The following UGT1A9 variants were observed in gnomAD, a reference collection of about 807,000 sequenced individuals.
The protein encoded by UGT1A9 is UDP-glucuronosyltransferase 1A9.
Under a neutral mutation model 45.0 loss-of-function variants are expected in UGT1A9, and 35 were observed. The ratio of observed to expected loss-of-function variants is 0.78; its 90% CI spans 0.59 to 1.03. The LOEUF is 1.03. Among genes scored for constraint, UGT1A9 ranks in the 50% least tolerant of loss-of-function variants. UGT1A9 has a pLI of 0.00. For missense variants in UGT1A9, 687 were observed against 666.6 expected (o/e 1.03, Z -0.34); for synonymous variants, 278 against 250.6 (o/e 1.11, Z -1.03).
intron 1 of UGT1A9, among the ~76,000 whole-genome samples, chr2:233,733,033 T>G (rs202002745): frequency 2.0e-5 from 3 of 152,098 alleles, no homozygotes; most frequent in Non-Finnish European, 4.4e-5. Context: ...CACATCCCTT[T>G]TAAGTTGGAT....
chr2:233,740,736 C>T (rs1691460143), intron 1 of UGT1A9: 1 of 151,674 alleles, frequency 6.6e-6, no homozygotes, highest in African/African-American at 2.4e-5. Context: ...GGAAATGCCC[C>T]CTTTTACACT....
intron 1 of UGT1A9, among the ~76,000 whole-genome samples, chr2:233,746,609 G>T (rs1693438310): frequency 6.6e-6 from 1 of 151,680 alleles, no homozygotes; most frequent in Admixed American, 6.5e-5. Flanking sequence ...CTGTTCACCT[G>T]ACCCCTCCTT....
intron 1 of UGT1A9, among the ~76,000 whole-genome samples, chr2:233,738,688 T>G (rs1408862943): frequency 6.6e-6 from 1 of 152,138 alleles, no homozygotes; most frequent in Non-Finnish European, 1.5e-5. Flanking sequence ...AATTGGAACT[T>G]ATGTTTAAAA....
chr2:233,713,567 C>A (rs1231652913), intron 1 of UGT1A9: 9 of 1,613,854 alleles, frequency 5.6e-6, no homozygotes, highest in Non-Finnish European at 7.6e-6. Flanking sequence ...ACCCTTCCTC[C>A]TATATTCCTA....
rs774552419 is a variant in UGT1A9 at position 233,767,911 on chromosome 2, G to A, written c.1050G>A (p.Lys350=). ...SNLANNTILV[K]WLPQNDLLGH... is the part of the protein sequence containing the mutation. Reference sequence around the variant, plus strand: ...TTGCGAACAACACGATACTTGTTAAGTGGCTACCCCAAAACGATCTGCTTG... The same window carrying A: ...TTGCGAACAACACGATACTTGTTAAATGGCTACCCCAAAACGATCTGCTTG... The change falls in exon 3 of 5, where the codon AAG becomes AAA. Residue 350 remains lysine (K), a synonymous_variant. Coordinates refer to ENST00000354728, the MANE Select transcript of UGT1A9 (RefSeq NM_021027.3). 13 of 1,614,068 alleles carry A rather than the reference G, an allele frequency of 8.1e-6. No homozygotes were observed. The highest frequency in any genetic ancestry group is 1.3e-5 in the African/African-American group (1 of 74,916).
chr2:233,679,713 CA>C (rs1158480867), intron 1 of UGT1A9, among the ~76,000 whole-genome samples: 1 of 152,142 alleles, frequency 6.6e-6, no homozygotes, highest in African/African-American at 2.4e-5. Flanking sequence ...GTTATCTGGA[CA>C]ATTTTAAAGC....
intron 1 of UGT1A9, among the ~76,000 whole-genome samples, chr2:233,731,284 C>CTTTTTTTTTTTTT (rs78127606): frequency 7.2e-6 from 1 of 139,766 alleles, no homozygotes. Context: ...GTTTTTCTTT[C>CTTTTTTTTTTTTT]TTTTTTTTTT....
chr2:233,722,017 A>G (rs2125685673), intron 1 of UGT1A9: 1 of 254,974 alleles, frequency 3.9e-6, no homozygotes, highest in Non-Finnish European at 7.8e-6. Context: ...AGGAAAACTG[A>G]AACCTCTTGA....
intron 1 of UGT1A9, among the ~76,000 whole-genome samples, chr2:233,715,186 A>G (rs959618310): frequency 6.6e-6 from 1 of 152,160 alleles, no homozygotes; most frequent in Non-Finnish European, 1.5e-5. Context: ...ACACCTAGGC[A>G]ATTTTTCTAT....
intron 1 of UGT1A9, among the ~76,000 whole-genome samples, chr2:233,685,603 T>G (rs2074745747): frequency 1.3e-5 from 2 of 152,212 alleles, no homozygotes; most frequent in South Asian, 4.1e-4. Flanking sequence ...CCTCCAAGAT[T>G]ATTTATTTCA....
intron 1 of UGT1A9, among the ~76,000 whole-genome samples, chr2:233,738,037 G>A (rs542059461): frequency 6.6e-6 from 1 of 152,044 alleles, no homozygotes; most frequent in South Asian, 2.1e-4. Context: ...TAATCCCCAC[G>A]TGTTGAGGAC....
intron 1 of UGT1A9, chr2:233,689,902 C>T (rs1353879284): frequency 4.4e-6 from 2 of 456,644 alleles, no homozygotes; most frequent in Non-Finnish European, 8.8e-6. Flanking sequence ...TTCTCAGGGC[C>T]AGGTAGGTGC....
At chr2:233,692,965 A>G in intron 1 of UGT1A9, 1 of 1,610,184 alleles carries the variant, frequency 6.2e-7, no homozygotes, top group African/African-American at 1.3e-5. Flanking sequence ...TTGGAGAGTG[A>G]AAACTCTTTA....
intron 1 of UGT1A9, among the ~76,000 whole-genome samples, chr2:233,731,855 G>T (rs1025455629): frequency 1.3e-5 from 2 of 152,138 alleles, no homozygotes; most frequent in African/African-American, 4.8e-5. Flanking sequence ...TTGAGGAATC[G>T]CCACACTGTC....
At chr2:233,734,917 G>A (rs965822132) in intron 1 of UGT1A9, among the ~76,000 whole-genome samples, 3 of 152,162 alleles carry the variant, frequency 2.0e-5, no homozygotes, top group Non-Finnish European at 4.4e-5. Context: ...ATTTGCTAAG[G>A]AGTGCTTTAC....
At chr2:233,678,564 T>C (rs911600844) in intron 1 of UGT1A9, among the ~76,000 whole-genome samples, 10 of 152,200 alleles carry the variant, frequency 6.6e-5, no homozygotes, top group African/African-American at 2.4e-4. Flanking sequence ...TATACAGTAC[T>C]AATCCTTCTT....
At chr2:233,728,759 G>C (rs2077748525) in intron 1 of UGT1A9, among the ~76,000 whole-genome samples, 1 of 152,198 alleles carries the variant, frequency 6.6e-6, no homozygotes, top group Admixed American at 6.5e-5. Flanking sequence ...TGACTCCTCA[G>C]ACCTCAGCTG....
intron 1 of UGT1A9, among the ~76,000 whole-genome samples, chr2:233,757,535 A>AATATATATACATATACATATATAC (rs376887521): frequency 2.4e-4 from 21 of 88,296 alleles, no homozygotes; most frequent in African/African-American, 1.1e-3. Context: ...GCCTGTAAGG[A>AATATATATACATATACATATATAC]ATATATATAT....
At chr2:233,722,345 T>C (rs2077007826) in intron 1 of UGT1A9, among the ~76,000 whole-genome samples, 2 of 152,264 alleles carry the variant, frequency 1.3e-5, no homozygotes, top group African/African-American at 4.8e-5. Context: ...GAAATTTTTC[T>C]ACAAATATAC....
Sources: gnomAD v4.1 joint callset for allele counts (sites outside exome capture counted in the v4.1 genomes callset) on GRCh38, gnomAD v4.1.1 for gene constraint, MANE v1.5 for transcripts, NCBI Gene and HGNC (gene_info 2026-07-23, HGNC 2026-07-21) for gene names.